AFF1: variants seen among roughly 807,000 people sequenced by gnomAD.
AFF1 encodes AF4/FMR2 family member 1.
Under a neutral mutation model 121.7 loss-of-function variants are expected in AFF1, and 48 were observed. The observed-to-expected ratio is 0.39, with a 90% CI of 0.31 to 0.50. The LOEUF is 0.50. AFF1 is among the 20% of genes least tolerant of loss of function. AFF1 has a pLI of 0.76. For synonymous variants in AFF1, 613 were observed against 563.0 expected, an observed-to-expected ratio of 1.09 and a Z score of -1.26; for missense variants, 1,523 against 1,511.7, an observed-to-expected ratio of 1.01 and a Z score of -0.12.
intron 12 of AFF1, among the ~76,000 whole-genome samples, chr4:87,122,420 T>C (rs998373681): frequency 2.0e-5 from 3 of 152,218 alleles, no homozygotes; most frequent in African/African-American, 7.2e-5. Flanking sequence ...AACGGAGGTT[T>C]GTATGCTGCG....
chr4:87,037,964 A>T (rs1395172065), intron 2 of AFF1, among the ~76,000 whole-genome samples: 1 of 148,354 alleles, frequency 6.7e-6, no homozygotes, highest in African/African-American at 2.4e-5. Context: ...ATGGGGTCAC[A>T]TAAAACTTTA....
At chr4:87,019,466 G>T (rs1223714706) in intron 2 of AFF1, among the ~76,000 whole-genome samples, 1 of 152,178 alleles carries the variant, frequency 6.6e-6, no homozygotes, top group African/African-American at 2.4e-5. Flanking sequence ...TGTACAGAGA[G>T]GCCAAGAAAA....
chr4:87,090,140 A>G lies in AFF1; in HGVS notation c.1191+70A>G. On this transcript the variant is annotated intron_variant, in intron 6 of 20. Coordinates refer to ENST00000395146, the MANE Select transcript of AFF1 (RefSeq NM_001166693.3). Reference sequence around the variant, plus strand: ...AAAGCGTAAGGCATTGCTGTGAGGCAGATTGATAAAGTATTACTTGTTCAA... The same window carrying G: ...AAAGCGTAAGGCATTGCTGTGAGGCGGATTGATAAAGTATTACTTGTTCAA... 3.3e-6 allele frequency: 4 copies of G among 1,224,926 alleles called. No homozygotes were observed. The South Asian group carries it at 5.0e-5, about 15-fold the overall frequency. The allele number at this position is 1,224,926 out of a possible 1,614,324, so 75.9% of individuals were successfully genotyped here.
At chr4:87,068,789 T>C (rs1721649536) in intron 4 of AFF1, among the ~76,000 whole-genome samples, 1 of 152,158 alleles carries the variant, frequency 6.6e-6, no homozygotes, top group South Asian at 2.1e-4. Context: ...AGATTCAAAG[T>C]TCTTTCCTGT....
chr4:87,042,098 C>G (rs1730223883), intron 2 of AFF1, among the ~76,000 whole-genome samples: 1 of 151,778 alleles, frequency 6.6e-6, no homozygotes, highest in African/African-American at 2.4e-5. Flanking sequence ...AAAAAATTTT[C>G]CCATCTGCCC....
chr4:86,983,034 G>A (rs1290238632), intron 2 of AFF1, among the ~76,000 whole-genome samples: 1 of 152,022 alleles, frequency 6.6e-6, no homozygotes, highest in Non-Finnish European at 1.5e-5. Flanking sequence ...TTGTTTATAA[G>A]CAAGCCAGTT....
intron 2 of AFF1, among the ~76,000 whole-genome samples, chr4:87,039,975 C>G (rs1156746486): frequency 1.3e-5 from 2 of 152,106 alleles, no homozygotes; most frequent in Non-Finnish European, 2.9e-5. Flanking sequence ...GATCTCGGCT[C>G]ACTGCAGCCG....
In AFF1 at chr4:87,115,149, C is replaced by A; in HGVS notation, c.2316C>A (p.Ile772=). The change falls in exon 12 of 21, where the codon ATC becomes ATA. Residue 772 remains isoleucine (I), a synonymous_variant. Coordinates refer to ENST00000395146, the MANE Select transcript of AFF1 (RefSeq NM_001166693.3). ...TPPPQSLMVK[I]TLDLLSRIPQ... ...CCCCACAAAGCTTGATGGTGAAGAT[C>A]ACCCTAGACCTGCTCTCTCGGATAC... 1.2e-6 allele frequency: 2 copies of A among 1,614,184 alleles called. No homozygotes were observed. Among genetic ancestry groups the A allele is most frequent in the Non-Finnish European group, 1.7e-6 (2 of 1,180,030 alleles).
rs1392803207 is a variant in AFF1 at position 87,137,639 on chromosome 4, C to T, written c.*1938C>T. On this transcript the variant is annotated 3_prime_UTR_variant, in exon 21 of 21. Coordinates refer to ENST00000395146, the MANE Select transcript of AFF1 (RefSeq NM_001166693.3). ...AAGCAAAGCCCTGGTCCTTTTTAAA[C>T]TACTAGTTTTAAAAACCTGTGTTAA... is the stretch of plus-strand genomic sequence containing the variant. 1 of 232,048 alleles carries T rather than the reference C, an allele frequency of 4.3e-6. No homozygotes were observed. The highest frequency in any genetic ancestry group is 6.1e-5 in the East Asian group (1 of 16,458). The allele number at this position is 232,048 out of a possible 1,614,324, so 14.4% of individuals were successfully genotyped here.
chr4:87,027,842 C>T (rs544427171), intron 2 of AFF1, among the ~76,000 whole-genome samples: 121 of 121,690 alleles, frequency 9.9e-4, no homozygotes, highest in Non-Finnish European at 1.5e-3. Context: ...GACTGGAGTG[C>T]AGTGGTGTGA....
At chr4:87,002,307 G>T (rs1417687016) in intron 2 of AFF1, among the ~76,000 whole-genome samples, 2 of 151,354 alleles carry the variant, frequency 1.3e-5, no homozygotes, top group African/African-American at 2.4e-5. Context: ...TGTTGCCCAG[G>T]TTGGTCTTCA....
At chr4:86,947,760 C>G (rs1407553516) in intron 1 of AFF1, among the ~76,000 whole-genome samples, 1 of 151,940 alleles carries the variant, frequency 6.6e-6, no homozygotes, top group African/African-American at 2.4e-5. Flanking sequence ...AATTTTTCCC[C>G]CAAATTCAGT....
intron 4 of AFF1, among the ~76,000 whole-genome samples, chr4:87,071,460 T>C (rs911124667): frequency 2.6e-5 from 4 of 152,190 alleles, no homozygotes; most frequent in Non-Finnish European, 5.9e-5. Flanking sequence ...CTCATTTTTA[T>C]GGAGGATATT....
chr4:86,957,652 C>T (rs888935741), intron 2 of AFF1, among the ~76,000 whole-genome samples: 5 of 152,086 alleles, frequency 3.3e-5, no homozygotes, highest in Admixed American at 6.5e-5. Flanking sequence ...AAGCAATTCT[C>T]CTGCCCCAGC....
chr4:87,046,173 A>C lies in AFF1; in HGVS notation c.46A>C (p.Asn16His). ...TTGTGGCATCTGAAACAGTTTGTAC[A>C]ATGACGACAGAAACCTGCTTCGAAT... ...RVNSSGNSLY[N>H]DDRNLLRIRE... Residue 16 changes from asparagine (N) to histidine (H), a missense_variant, in exon 3 of 21, where the codon AAT (asparagine) becomes CAT (histidine). Coordinates refer to ENST00000395146, the MANE Select transcript of AFF1 (RefSeq NM_001166693.3). The C allele has an allele frequency of 1.9e-6, 3 of 1,612,940 alleles. No homozygotes were observed. Among genetic ancestry groups the C allele is most frequent in the Non-Finnish European group, 1.7e-6 (2 of 1,179,704 alleles).
chr4:87,139,133 A>G lies in AFF1; in HGVS notation c.*3432A>G, dbSNP rs146959786. On this transcript the variant is annotated 3_prime_UTR_variant, in exon 21 of 21. Transcript: ENST00000395146. ...ATCTCTGATATACAAAGGGATATAA[A>G]TATATACACTTAAATAGAGAAAAAG... 4.4e-6 allele frequency: 1 copy of G among 229,706 alleles called. No individual in the cohort carries two copies. The highest frequency in any genetic ancestry group is 8.6e-6 in the Non-Finnish European group (1 of 115,802). The allele number at this position is 229,706 out of a possible 1,614,324, so 14.2% of individuals were successfully genotyped here.
intron 8 of AFF1, among the ~76,000 whole-genome samples, chr4:87,102,561 TA>T (rs778407634): frequency 6.6e-6 from 1 of 152,196 alleles, no homozygotes; most frequent in Non-Finnish European, 1.5e-5. Context: ...ATTGTAATGA[TA>T]AGCAGTGTCT....
chr4:87,073,557 C>T (rs1722346855), intron 4 of AFF1, among the ~76,000 whole-genome samples: 1 of 152,098 alleles, frequency 6.6e-6, no homozygotes, highest in African/African-American at 2.4e-5. Context: ...AAACCAACAC[C>T]TACTCCAGAA....
intron 5 of AFF1, among the ~76,000 whole-genome samples, chr4:87,084,450 G>T (rs2149703481): frequency 6.6e-6 from 1 of 152,076 alleles, no homozygotes; most frequent in East Asian, 1.9e-4. Flanking sequence ...GGCTGAGTCA[G>T]GCCTCCTGAA....
Sources: allele counts gnomAD v4.1 joint callset (sites outside exome capture counted in the v4.1 genomes callset), GRCh38; gene constraint gnomAD v4.1.1; transcripts MANE v1.5; gene names NCBI Gene and HGNC (gene_info 2026-07-23, HGNC 2026-07-21).